The following TRDMT1 variants were observed in gnomAD, a reference collection of about 807,000 sequenced individuals.
The protein encoded by TRDMT1 is tRNA aspartic acid methyltransferase 1.
TRDMT1 carries 49 observed loss-of-function variants against 51.2 expected under a neutral mutation model. The observed-to-expected ratio is 0.96, with a 90% CI of 0.76 to 1.21. TRDMT1 has a LOEUF of 1.21. Among genes scored for constraint, TRDMT1 ranks in the 50% most tolerant of loss-of-function variants. The pLI is 0.00. For synonymous variants in TRDMT1, 187 were observed against 164.6 expected, an observed-to-expected ratio of 1.14 and a Z score of -1.04; for missense variants, 534 against 462.3, an observed-to-expected ratio of 1.16 and a Z score of -1.42.
At chr10:17,179,700 G>A (rs1216584412) in intron 1 of TRDMT1, among the ~76,000 whole-genome samples, 1 of 148,752 alleles carries the variant, frequency 6.7e-6, no homozygotes, top group Non-Finnish European at 1.5e-5. Flanking sequence ...TTCAAGTAAT[G>A]TAAGAAGAGA....
intron 9 of TRDMT1, among the ~76,000 whole-genome samples, chr10:17,154,469 C>T (rs1157366571): frequency 6.6e-6 from 1 of 151,934 alleles, no homozygotes. Context: ...AAACATAAAA[C>T]ATTCCTTGTG....
rs571541358 is a variant in TRDMT1 at position 17,180,899 on chromosome 10, G to A, written c.65-6239C>T. ...CAAGGAACTTCACAATTTCTCCTTAGTGCTCAGTCTCTTTGAAGTAAATTT... is the reference window on the plus strand; with the variant it reads ...CAAGGAACTTCACAATTTCTCCTTAATGCTCAGTCTCTTTGAAGTAAATTT... On this transcript the variant is annotated intron_variant, in intron 1 of 10. Transcript: ENST00000377799. Among the ~76,000 whole-genome samples the A allele has an allele frequency of 2.0e-5, 3 of 152,256 alleles. No homozygotes were observed. The East Asian group carries it at 5.8e-4, about 29-fold the overall frequency.
intron 9 of TRDMT1, among the ~76,000 whole-genome samples, chr10:17,154,141 G>C (rs1839172684): frequency 6.6e-6 from 1 of 152,058 alleles, no homozygotes; most frequent in South Asian, 2.1e-4. Context: ...AATTTTATCA[G>C]TAGTTAAAAG....
intron 1 of TRDMT1, among the ~76,000 whole-genome samples, chr10:17,184,347 G>A (rs1040711921): frequency 6.6e-6 from 1 of 151,930 alleles, no homozygotes; most frequent in Non-Finnish European, 1.5e-5. Flanking sequence ...ATGAAAAAAT[G>A]AGAAGTGACA....
chr10:17,163,757 G>T (rs1263474733), intron 3 of TRDMT1, among the ~76,000 whole-genome samples: 1 of 152,058 alleles, frequency 6.6e-6, no homozygotes, highest in African/African-American at 2.4e-5. Flanking sequence ...AAATAAACTA[G>T]AAAATCTAGA....
chr10:17,156,847 G>A (rs1454986530), intron 8 of TRDMT1, among the ~76,000 whole-genome samples: 9 of 152,078 alleles, frequency 5.9e-5, no homozygotes. Flanking sequence ...CAATACCTCT[G>A]GAAGATTATA....
Position 17,148,846 on chromosome 10 carries a change from C to A in TRDMT1, c.*194G>T. The A allele has an allele frequency of 1.7e-6, 2 of 1,178,616 alleles. No individual in the cohort carries two copies. Among genetic ancestry groups the A allele is most frequent in the South Asian group, 4.5e-5 (2 of 44,068 alleles). The allele number at this position is 1,178,616 out of a possible 1,614,324, so 73.0% of individuals were successfully genotyped here. ...CTCTCCATAAAGCATAACAATAGTT[C>A]GTATTTTATAAAATACAGTAATATA... On this transcript the variant is annotated 3_prime_UTR_variant, in exon 11 of 11. Coordinates refer to ENST00000377799, the MANE Select transcript of TRDMT1 (RefSeq NM_004412.7).
chr10:17,168,415 T>C (rs949171374), intron 3 of TRDMT1, among the ~76,000 whole-genome samples: 3 of 152,240 alleles, frequency 2.0e-5, no homozygotes, highest in Non-Finnish European at 4.4e-5. Flanking sequence ...GTGTCCATGT[T>C]TGACACTACA....
intron 1 of TRDMT1, among the ~76,000 whole-genome samples, chr10:17,179,839 C>T (rs1374946370): frequency 6.6e-6 from 1 of 151,428 alleles, no homozygotes; most frequent in African/African-American, 2.4e-5. Context: ...CTTTCCTGAC[C>T]TTGCTATCAA....
At position 17,146,656 on chromosome 10, in the gene TRDMT1, G is replaced by T; in HGVS notation, c.*2384C>A. ...GAAAAATCGGTTTACTGTAAGGTATGGTGAAGACTGAATTACACATAGTTC... is the reference window on the plus strand; with the variant it reads ...GAAAAATCGGTTTACTGTAAGGTATTGTGAAGACTGAATTACACATAGTTC... On this transcript the variant is annotated 3_prime_UTR_variant, in exon 11 of 11. Transcript: ENST00000377799. 1.0e-6 allele frequency: 1 copy of T among 985,300 alleles called. No individual in the cohort carries two copies. The highest frequency in any genetic ancestry group is 4.7e-5 in the South Asian group (1 of 21,284). The allele number at this position is 985,300 out of a possible 1,614,324, so 61.0% of individuals were successfully genotyped here.
chr10:17,156,605 T>C lies in TRDMT1; in HGVS notation c.887+836A>G, dbSNP rs542900312. On this transcript the variant is annotated intron_variant, in intron 8 of 10. Coordinates refer to ENST00000377799, the MANE Select transcript of TRDMT1 (RefSeq NM_004412.7). ...AAAAATTAGTGAGAACTGTATTAAA[T>C]GTTCAAGTAATAACCCAAAGGAAGC... Among the ~76,000 whole-genome samples the C allele has an allele frequency of 1.6e-3, 242 of 152,294 alleles. 1 individual carries two copies. Among genetic ancestry groups the C allele is most frequent in the African/African-American group, 5.7e-3 (238 of 41,556 alleles).
At chr10:17,150,155 G>C (rs1367228217) in intron 10 of TRDMT1, among the ~76,000 whole-genome samples, 3 of 152,070 alleles carry the variant, frequency 2.0e-5, no homozygotes, top group African/African-American at 7.2e-5. Flanking sequence ...GTTATTGCTT[G>C]TCTTTTCTAT....
At chr10:17,191,784 T>C (rs568101254) in intron 1 of TRDMT1, among the ~76,000 whole-genome samples, 1 of 152,236 alleles carries the variant, frequency 6.6e-6, no homozygotes, top group African/African-American at 2.4e-5. Context: ...CTGTCTGTTA[T>C]TGGTCAAAAG....
At chr10:17,151,867 G>T (rs1041206568) in intron 10 of TRDMT1, 82 of 1,034,600 alleles carry the variant, frequency 7.9e-5, no homozygotes, top group Non-Finnish European at 9.2e-5. Flanking sequence ...CAGGAGTTAT[G>T]ATCATCCTCA....
chr10:17,197,567 A>G (rs181538485), intron 1 of TRDMT1, among the ~76,000 whole-genome samples: 47 of 152,340 alleles, frequency 3.1e-4, no homozygotes, highest in Non-Finnish European at 5.6e-4. Flanking sequence ...ATAACTGAAA[A>G]TTCAGTAATG....
At chr10:17,171,815 T>C (rs927223775) in intron 2 of TRDMT1, 5 of 152,904 alleles carry the variant, frequency 3.3e-5, no homozygotes, top group African/African-American at 1.2e-4. Context: ...CTTTGATTCA[T>C]CTCTTGCTCA....
In TRDMT1 at chr10:17,157,461, C is replaced by A; in HGVS notation, c.867G>T (p.Arg289Ser). 6.2e-7 allele frequency: 1 copy of A among 1,607,858 alleles called. No homozygotes were observed. The highest frequency in any genetic ancestry group is 8.5e-7 in the Non-Finnish European group (1 of 1,174,870). Residue 289 changes from arginine (R) to serine (S), a missense_variant, in exon 8 of 11, where the codon AGG (arginine) becomes AGT (serine). By Grantham distance (110) the Arg-to-Ser change is moderately radical. Transcript: ENST00000377799. ...LLDIVQPTCR[R>S]SVCFTKGYGS... ...CCTACCCTTTGGTAAAGCACACGGA[C>A]CTTCTACAAGTGGGCTGAACAATGT...
intron 10 of TRDMT1, chr10:17,151,587 T>C (rs1373971041): frequency 1.0e-6 from 1 of 985,530 alleles, no homozygotes; most frequent in African/African-American, 1.7e-5. Context: ...TCCAAAAACA[T>C]ATCACGTATT....
At chr10:17,156,166 T>C (rs890134198) in intron 8 of TRDMT1, among the ~76,000 whole-genome samples, 3 of 151,848 alleles carry the variant, frequency 2.0e-5, no homozygotes, top group Non-Finnish European at 4.4e-5. Context: ...AATTGACAAA[T>C]CATACAACTA....
Sources: gnomAD v4.1 joint callset for allele counts (sites outside exome capture counted in the v4.1 genomes callset) on GRCh38, gnomAD v4.1.1 for gene constraint, MANE v1.5 for transcripts, NCBI Gene and HGNC (gene_info 2026-07-23, HGNC 2026-07-21) for gene names.